PPIP5K2: variants seen among roughly 807,000 people sequenced by gnomAD.
PPIP5K2 encodes the protein inositol hexakisphosphate and diphosphoinositol-pentakisphosphate kinase 2.
PPIP5K2 carries 105 observed loss-of-function variants against 154.6 expected under a neutral mutation model. That is an observed-to-expected ratio of 0.68 (90% CI 0.58 to 0.80). The LOEUF is 0.80. PPIP5K2 is among the 30% of genes least tolerant of loss of function. PPIP5K2 has a pLI of 0.00. For synonymous variants in PPIP5K2, 480 were observed against 490.3 expected (o/e 0.98, Z 0.28); for missense variants, 992 against 1,504.6 (o/e 0.66, Z 5.64).
intron 19 of PPIP5K2, among the ~76,000 whole-genome samples, chr5:103,171,487 A>G (rs1554219526): frequency 6.6e-6 from 1 of 151,586 alleles, no homozygotes; most frequent in East Asian, 1.9e-4. Flanking sequence ...TGGTATTTTA[A>G]TCAGTTCTAT....
intron 5 of PPIP5K2, among the ~76,000 whole-genome samples, chr5:103,142,204 A>G (rs1792853304): frequency 6.6e-6 from 1 of 152,206 alleles, no homozygotes; most frequent in Non-Finnish European, 1.5e-5. Context: ...AGGCTCGGTG[A>G]GAAATCCAGC....
chr5:103,138,323 A>G (rs1284143688), intron 4 of PPIP5K2, 61 bp from the exon 5 acceptor site: 6 of 991,004 alleles, frequency 6.1e-6, no homozygotes, highest in African/African-American at 5.0e-5. Context: ...GAAAACTACA[A>G]TAATATATTC....
chr5:103,169,209 T>C (rs1797582018), intron 19 of PPIP5K2, among the ~76,000 whole-genome samples: 1 of 151,852 alleles, frequency 6.6e-6, no homozygotes, highest in Non-Finnish European at 1.5e-5. Flanking sequence ...ATCAGGACTA[T>C]GTTAGAAGAA....
chr5:103,158,357 G>A (rs562051481), intron 15 of PPIP5K2, 44 bp downstream of exon 15: 6 of 1,596,516 alleles, frequency 3.8e-6, no homozygotes, highest in Non-Finnish European at 5.1e-6. Flanking sequence ...TTCATAAATT[G>A]TATTTTGAAA....
At chr5:103,161,996 G>A in intron 17 of PPIP5K2, among the ~76,000 whole-genome samples, 1 of 151,906 alleles carries the variant, frequency 6.6e-6, no homozygotes, top group Non-Finnish European at 1.5e-5. Flanking sequence ...TGTTGCCACT[G>A]CCTTTGGTGT....
intron 5 of PPIP5K2, among the ~76,000 whole-genome samples, chr5:103,140,620 C>G (rs1223503797): frequency 6.6e-6 from 1 of 151,258 alleles, no homozygotes; most frequent in African/African-American, 2.4e-5. Context: ...GAGGCCGAGG[C>G]GGGCGGATCA....
chr5:103,199,092 A>G (rs1320863193), intron 30 of PPIP5K2, among the ~76,000 whole-genome samples: 2 of 150,072 alleles, frequency 1.3e-5, no homozygotes, highest in African/African-American at 4.8e-5. Flanking sequence ...TTCTTTACAC[A>G]TAGTTATCCT....
At chr5:103,182,217 C>T (rs1044716352) in intron 24 of PPIP5K2, among the ~76,000 whole-genome samples, 2 of 152,098 alleles carry the variant, frequency 1.3e-5, no homozygotes, top group Non-Finnish European at 2.9e-5. Context: ...CCTCTGCCCT[C>T]CAAAAAGCCT....
intron 10 of PPIP5K2, 58 bp from the exon 11 acceptor site, chr5:103,153,790 A>G (rs886664133): frequency 4.8e-5 from 59 of 1,236,188 alleles, no homozygotes; most frequent in Non-Finnish European, 6.2e-5. Context: ...ATTAATCTGA[A>G]TTATACAACA....
At chr5:103,170,959 A>T (rs1797893981) in intron 19 of PPIP5K2, among the ~76,000 whole-genome samples, 3 of 151,566 alleles carry the variant, frequency 2.0e-5, no homozygotes, top group South Asian at 4.1e-4. Context: ...TTAACAGGGT[A>T]CCACTGTGAA....
At chr5:103,141,123 G>A (rs1006369169) in intron 5 of PPIP5K2, among the ~76,000 whole-genome samples, 1 of 152,186 alleles carries the variant, frequency 6.6e-6, no homozygotes, top group African/African-American at 2.4e-5. Context: ...CACGAGGTCA[G>A]GAGATCGAGA....
chr5:103,167,114 A>G (rs2149670392), intron 17 of PPIP5K2, 65 bp from the exon 18 acceptor site: 1 of 1,247,528 alleles, frequency 8.0e-7, no homozygotes, highest in Non-Finnish European at 1.1e-6. Flanking sequence ...TTTTGTATAT[A>G]TATATTGTTC....
chr5:103,153,812 T>TA, intron 10 of PPIP5K2, 36 bp from the exon 11 acceptor site: 1 of 1,434,234 alleles, frequency 7.0e-7, no homozygotes, highest in Non-Finnish European at 9.6e-7. Flanking sequence ...AAATCTTTTT[T>TA]AGAGAATTAA....
chr5:103,148,335 A>G, intron 7 of PPIP5K2: 1 of 308,452 alleles, frequency 3.2e-6, no homozygotes, highest in Non-Finnish European at 6.2e-6. Context: ...TTAAAGGGGC[A>G]TTAAATAATA....
chr5:103,193,089 A>G (rs1801497241), intron 29 of PPIP5K2, among the ~76,000 whole-genome samples: 1 of 152,176 alleles, frequency 6.6e-6, no homozygotes, highest in South Asian at 2.1e-4. Context: ...ACTTAAGAAC[A>G]GCTTTACTAT....
intron 17 of PPIP5K2, among the ~76,000 whole-genome samples, chr5:103,165,086 A>G (rs1554217335): frequency 6.6e-6 from 1 of 152,130 alleles, no homozygotes; most frequent in African/African-American, 2.4e-5. Flanking sequence ...AATATATGTC[A>G]AGTGGTCAGA....
Position 103,134,523 on chromosome 5 carries a change from A to C in PPIP5K2, c.310+875A>C, listed in dbSNP as rs74776538. ...GCTACCATAGCCTAAATTGATGTTC[A>C]TTATTTCATAGAGAAGTCAAGACAC... On this transcript the variant is annotated intron_variant, in intron 3 of 30. Coordinates refer to ENST00000358359, the MANE Select transcript of PPIP5K2 (RefSeq NM_001276277.3). Among the ~76,000 whole-genome samples, 1,027 of 152,272 alleles carry C rather than the reference A, an allele frequency of 6.7e-3. 7 individuals are homozygous for C. The highest frequency in any genetic ancestry group is 0.013 in the Non-Finnish European group (854 of 67,994).
chr5:103,165,766 C>T (rs1797030923), intron 17 of PPIP5K2, among the ~76,000 whole-genome samples: 1 of 152,062 alleles, frequency 6.6e-6, no homozygotes, highest in African/African-American at 2.4e-5. Context: ...CAAAGGCAGA[C>T]CATCCACATC....
intron 9 of PPIP5K2, among the ~76,000 whole-genome samples, chr5:103,152,320 C>A (rs1224873812): frequency 6.6e-6 from 1 of 151,896 alleles, no homozygotes; most frequent in Non-Finnish European, 1.5e-5. Flanking sequence ...TTATCAGTAG[C>A]CACACAGAAG....
Sources: gnomAD v4.1 joint callset for allele counts (sites outside exome capture counted in the v4.1 genomes callset) on GRCh38, gnomAD v4.1.1 for gene constraint, MANE v1.5 for transcripts, NCBI Gene and HGNC (gene_info 2026-07-23, HGNC 2026-07-21) for gene names.